The following KHDRBS3 variants were observed in gnomAD, a reference collection of about 807,000 sequenced individuals.
KHDRBS3 encodes KH RNA binding domain containing, signal transduction associated 3.
KHDRBS3 carries 23 observed loss-of-function variants against 45.6 expected under a neutral mutation model. The observed-to-expected ratio is 0.50, with a 90% CI of 0.36 to 0.72. KHDRBS3 has a LOEUF of 0.72. KHDRBS3 is among the 30% of genes least tolerant of loss of function. The probability of loss-of-function intolerance (pLI) is 0.00; values close to 1 mark genes in which losing one functional copy is unlikely to be tolerated. For synonymous variants in KHDRBS3, 162 were observed against 156.5 expected, an observed-to-expected ratio of 1.04 and a Z score of -0.26; for missense variants, 352 against 424.8, an observed-to-expected ratio of 0.83 and a Z score of 1.51.
At chr8:135,633,129 A>G (rs1830673455) in intron 7 of KHDRBS3, among the ~76,000 whole-genome samples, 1 of 152,194 alleles carries the variant, frequency 6.6e-6, no homozygotes, top group East Asian at 1.9e-4. Flanking sequence ...TTCCCATTAA[A>G]GACAGCTCCA....
At chr8:135,606,403 G>T (rs1829463800) in intron 6 of KHDRBS3, among the ~76,000 whole-genome samples, 1 of 152,142 alleles carries the variant, frequency 6.6e-6, no homozygotes, top group Non-Finnish European at 1.5e-5. Context: ...TCAAACAATT[G>T]CCTTTAAGTA....
At chr8:135,597,231 C>T (rs1211664078) in intron 6 of KHDRBS3, among the ~76,000 whole-genome samples, 1 of 152,102 alleles carries the variant, frequency 6.6e-6, no homozygotes, top group African/African-American at 2.4e-5. Flanking sequence ...GACTGGAGGG[C>T]CAGGCAGCTC....
chr8:135,653,284 A>T (rs533598261), intron 4 of KHDRBS3, among the ~76,000 whole-genome samples: 1 of 152,260 alleles, frequency 6.6e-6, no homozygotes, highest in South Asian at 2.1e-4. Flanking sequence ...TGTACTTCCA[A>T]ATCCTAGCAC....
chr8:135,556,208 G>T (rs1251745081), intron 4 of KHDRBS3, among the ~76,000 whole-genome samples: 2 of 152,170 alleles, frequency 1.3e-5, no homozygotes, highest in African/African-American at 4.8e-5. Flanking sequence ...ATGTGCATGT[G>T]TCTTTATCCT....
chr8:135,517,384 G>T (rs1213680560), intron 1 of KHDRBS3, among the ~76,000 whole-genome samples: 1 of 152,090 alleles, frequency 6.6e-6, no homozygotes, highest in Admixed American at 6.6e-5. Flanking sequence ...CATCTTGGTG[G>T]ATCTCAAGCA....
At chr8:135,503,107 A>G (rs1823814904) in intron 1 of KHDRBS3, among the ~76,000 whole-genome samples, 1 of 152,218 alleles carries the variant, frequency 6.6e-6, no homozygotes, top group South Asian at 2.1e-4. Flanking sequence ...CATCAAGGTC[A>G]TCACTGCACA....
At chr8:135,540,671 A>C (rs1276143028) in intron 2 of KHDRBS3, 2 of 152,140 alleles carry the variant, frequency 1.3e-5, no homozygotes, top group East Asian at 3.8e-4. Context: ...CTGGGCTTAC[A>C]CCTCCTCTTA....
intron 1 of KHDRBS3, among the ~76,000 whole-genome samples, chr8:135,517,548 C>CA (rs36075852): frequency 1.3e-5 from 2 of 149,654 alleles, no homozygotes; most frequent in Admixed American, 6.6e-5. Context: ...TTCTGGATTT[C>CA]AAAAAAAAAT....
intron 3 of KHDRBS3, among the ~76,000 whole-genome samples, chr8:135,547,795 C>G (rs1403745199): frequency 6.6e-6 from 1 of 152,104 alleles, no homozygotes; most frequent in African/African-American, 2.4e-5. Context: ...CCTCAGATTC[C>G]TGTTAATCTT....
chr8:135,576,710 T>C (rs1827961333), intron 5 of KHDRBS3, among the ~76,000 whole-genome samples: 1 of 152,162 alleles, frequency 6.6e-6, no homozygotes, highest in Non-Finnish European at 1.5e-5. Flanking sequence ...TATTGGAGTA[T>C]GGTATTAGAA....
intron 7 of KHDRBS3, chr8:135,625,602 C>A: frequency 3.2e-6 from 3 of 950,858 alleles, no homozygotes; most frequent in Non-Finnish European, 5.2e-6. Context: ...TGTCTGGCAG[C>A]CACAGGGTCA....
At chr8:135,592,367 G>C (rs563387876) in intron 6 of KHDRBS3, among the ~76,000 whole-genome samples, 22 of 152,176 alleles carry the variant, frequency 1.4e-4, no homozygotes, top group African/African-American at 5.1e-4. Flanking sequence ...GTCATAATTA[G>C]GCTTGCCCGT....
At chr8:135,603,784 A>G (rs1250259277) in intron 6 of KHDRBS3, among the ~76,000 whole-genome samples, 1 of 152,108 alleles carries the variant, frequency 6.6e-6, no homozygotes, top group Non-Finnish European at 1.5e-5. Flanking sequence ...CACTATTTTG[A>G]TTACTGTAGC....
At chr8:135,505,055 C>T (rs981987993) in intron 1 of KHDRBS3, among the ~76,000 whole-genome samples, 1 of 152,148 alleles carries the variant, frequency 6.6e-6, no homozygotes, top group African/African-American at 2.4e-5. Flanking sequence ...TGCTGATGCC[C>T]AGGAAAGCTT....
intron 6 of KHDRBS3, among the ~76,000 whole-genome samples, chr8:135,586,689 T>G (rs559781838): frequency 1.3e-5 from 2 of 152,328 alleles, no homozygotes; most frequent in South Asian, 4.1e-4. Flanking sequence ...CTCAGAAACG[T>G]AATTTTTAAA....
At chr8:135,513,472 A>G (rs182440490) in intron 1 of KHDRBS3, among the ~76,000 whole-genome samples, 1 of 152,322 alleles carries the variant, frequency 6.6e-6, no homozygotes, top group African/African-American at 2.4e-5. Flanking sequence ...CTTATAAGTT[A>G]CTTTCTGACA....
At chr8:135,497,963 T>C (rs1380557654) in intron 1 of KHDRBS3, among the ~76,000 whole-genome samples, 1 of 152,212 alleles carries the variant, frequency 6.6e-6, no homozygotes, top group African/African-American at 2.4e-5. Flanking sequence ...GAAGCAGTGC[T>C]GTCCTTTTGC....
Position 135,535,724 on chromosome 8 carries a change from G to A in KHDRBS3, c.208-6930G>A, listed in dbSNP as rs928437129. 3.9e-5 allele frequency among the ~76,000 whole-genome samples: 6 copies of A among 152,056 alleles called. No individual in the cohort carries two copies. The East Asian group carries it at 9.7e-4, about 24-fold the overall frequency. On this transcript the variant is annotated intron_variant, in intron 2 of 8. Transcript: ENST00000355849. ...GGTATCCCAGTCCATTTGTGCTGCC[G>A]CCATGAAATATTTGAGACTGAGGAA...
At chr8:135,652,772 A>G (rs2131221312) in intron 4 of KHDRBS3, among the ~76,000 whole-genome samples, 1 of 152,322 alleles carries the variant, frequency 6.6e-6, no homozygotes, top group Non-Finnish European at 1.5e-5. Flanking sequence ...GAATTCTGCA[A>G]TACAGCATCC....
Sources: gnomAD v4.1 joint callset for allele counts (sites outside exome capture counted in the v4.1 genomes callset) on GRCh38, gnomAD v4.1.1 for gene constraint, MANE v1.5 for transcripts, NCBI Gene and HGNC (gene_info 2026-07-23, HGNC 2026-07-21) for gene names.